The following CCSER1 variants were observed in gnomAD, a reference collection of about 807,000 sequenced individuals.
The protein encoded by CCSER1 is coiled-coil serine rich protein 1.
In CCSER1, 41 loss-of-function variants were observed where a neutral mutation model predicts 82.0. The observed-to-expected ratio is 0.50, with a 90% CI of 0.39 to 0.65. CCSER1 has a LOEUF of 0.65. Ranked by LOEUF, CCSER1 falls within the 30% of genes least tolerant of loss-of-function variation. CCSER1 has a pLI of 0.00. For synonymous variants in CCSER1, 414 were observed against 383.9 expected, an observed-to-expected ratio of 1.08 and a Z score of -0.92; for missense variants, 1,119 against 1,064.2, an observed-to-expected ratio of 1.05 and a Z score of -0.72.
In CCSER1 at chr4:91,313,995, C is replaced by A. The variant is rs142178383; in HGVS notation, c.2217+228001C>A. On this transcript the variant is annotated intron_variant, in intron 10 of 10. Coordinates refer to ENST00000509176, the MANE Select transcript of CCSER1 (RefSeq NM_001145065.2). ...CCTCCAGATCTCTATCTCTTTTTAC[C>A]ACGTTACTACTGAACAATTCCCTGA... Among the ~76,000 whole-genome samples the A allele has an allele frequency of 1.6e-3, 240 of 151,978 alleles. 1 individual carries two copies. Among genetic ancestry groups the A allele is most frequent in the African/African-American group, 5.5e-3 (230 of 41,494 alleles).
chr4:90,438,403 C>G (rs1013319758), intron 4 of CCSER1, among the ~76,000 whole-genome samples: 2 of 152,086 alleles, frequency 1.3e-5, no homozygotes, highest in Non-Finnish European at 2.9e-5. Flanking sequence ...TATAGTTTCA[C>G]TTGTGTTCTT....
chr4:90,534,166 G>T (rs185423333), intron 5 of CCSER1, among the ~76,000 whole-genome samples: 1 of 152,320 alleles, frequency 6.6e-6, no homozygotes. Context: ...GTCTCGCTCT[G>T]TTGCCCAGGC....
At chr4:90,437,082 A>T (rs183663300) in intron 4 of CCSER1, among the ~76,000 whole-genome samples, 2 of 152,070 alleles carry the variant, frequency 1.3e-5, no homozygotes, top group African/African-American at 4.8e-5. Flanking sequence ...CAGCCTCCCA[A>T]AGTGCTGGGA....
At chr4:91,336,443 G>T (rs545812229) in intron 10 of CCSER1, among the ~76,000 whole-genome samples, 30 of 152,074 alleles carry the variant, frequency 2.0e-4, no homozygotes, top group Admixed American at 7.2e-4. Context: ...CCTAGTATTT[G>T]CTACGCTATG....
chr4:90,476,101 A>G (rs1193424151), intron 5 of CCSER1, among the ~76,000 whole-genome samples: 2 of 152,026 alleles, frequency 1.3e-5, no homozygotes, highest in Non-Finnish European at 2.9e-5. Context: ...CAGATTTCAT[A>G]AACTTCAGGG....
At chr4:90,470,463 A>G (rs778040973) in intron 5 of CCSER1, among the ~76,000 whole-genome samples, 6 of 152,204 alleles carry the variant, frequency 3.9e-5, no homozygotes, top group African/African-American at 1.4e-4. Context: ...GACAGAAGCC[A>G]AATGCTAACT....
chr4:90,911,758 G>T (rs1413750028), intron 8 of CCSER1, among the ~76,000 whole-genome samples: 2 of 152,140 alleles, frequency 1.3e-5, no homozygotes, highest in Admixed American at 6.5e-5. Context: ...GACGGCACCT[G>T]GAAAATCGGG....
At chr4:90,932,297 A>G (rs1729921660) in intron 9 of CCSER1, among the ~76,000 whole-genome samples, 1 of 152,170 alleles carries the variant, frequency 6.6e-6, no homozygotes, top group South Asian at 2.1e-4. Context: ...CCATTATTTT[A>G]TGAGTTCTCT....
chr4:91,114,985 A>G (rs989794608), intron 10 of CCSER1, among the ~76,000 whole-genome samples: 3 of 152,258 alleles, frequency 2.0e-5, no homozygotes, highest in Middle Eastern at 3.4e-3. Context: ...TTTTTATTTT[A>G]TGGGAAATTA....
At chr4:91,452,176 C>A (rs1922230) in intron 10 of CCSER1, among the ~76,000 whole-genome samples, 1 of 151,836 alleles carries the variant, frequency 6.6e-6, no homozygotes, top group South Asian at 2.1e-4. Flanking sequence ...AATTGACACA[C>A]AGACATCCTC....
intron 6 of CCSER1, among the ~76,000 whole-genome samples, chr4:90,682,734 T>C (rs1734120155): frequency 6.6e-6 from 1 of 152,048 alleles, no homozygotes; most frequent in South Asian, 2.1e-4. Flanking sequence ...GGCTCTTTTG[T>C]CCTTGAACAT....
intron 4 of CCSER1, among the ~76,000 whole-genome samples, chr4:90,451,698 T>C (rs1761483223): frequency 6.6e-6 from 1 of 152,172 alleles, no homozygotes. Flanking sequence ...TGAGGTTTCA[T>C]TTCTTTTATG....
At chr4:90,614,643 C>G (rs548228558) in intron 5 of CCSER1, among the ~76,000 whole-genome samples, 2 of 152,094 alleles carry the variant, frequency 1.3e-5, no homozygotes, top group African/African-American at 4.8e-5. Flanking sequence ...CCCTAACTCT[C>G]TTTGATTTTA....
In CCSER1 at chr4:91,225,110, A is replaced by G. The variant is rs141102539; in HGVS notation, c.2217+139116A>G. 6.8e-4 allele frequency among the ~76,000 whole-genome samples: 101 copies of G among 147,712 alleles called. 3 individuals carry two copies. The East Asian group carries it at 0.018, about 27-fold the overall frequency. On this transcript the variant is annotated intron_variant, in intron 10 of 10. Coordinates refer to ENST00000509176, the MANE Select transcript of CCSER1 (RefSeq NM_001145065.2). ...ATCACAGTAAGGTAGAATTCTTGAA[A>G]TAAAATGTTACTGTGATAGAGTTTT...
At chr4:91,335,174 A>G (rs1747234996) in intron 10 of CCSER1, among the ~76,000 whole-genome samples, 1 of 152,062 alleles carries the variant, frequency 6.6e-6, no homozygotes, top group South Asian at 2.1e-4. Flanking sequence ...GTAAACCAGC[A>G]TCTCAAGTAA....
At chr4:91,111,796 T>C (rs1726114633) in intron 10 of CCSER1, among the ~76,000 whole-genome samples, 1 of 146,456 alleles carries the variant, frequency 6.8e-6, no homozygotes, top group South Asian at 2.1e-4. Flanking sequence ...CAAGAAATAC[T>C]GTATCAGGAG....
At chr4:91,555,578 T>TGGA (rs1762360955) in intron 10 of CCSER1, among the ~76,000 whole-genome samples, 1 of 150,998 alleles carries the variant, frequency 6.6e-6, no homozygotes, top group South Asian at 2.1e-4. Flanking sequence ...ATGTTATCCA[T>TGGA]TTTCAAAGAA....
intron 9 of CCSER1, among the ~76,000 whole-genome samples, chr4:90,964,827 C>T (rs1401964029): frequency 2.0e-5 from 3 of 151,322 alleles, no homozygotes; most frequent in African/African-American, 4.9e-5. Flanking sequence ...CTTTCGATAC[C>T]ACGGAGTGTT....
At chr4:91,012,569 G>A (rs1739083139) in intron 9 of CCSER1, among the ~76,000 whole-genome samples, 1 of 151,996 alleles carries the variant, frequency 6.6e-6, no homozygotes, top group South Asian at 2.1e-4. Context: ...ATAGGGTGTA[G>A]TAGGAGCTGG....
Sources: gnomAD v4.1 joint callset for allele counts (sites outside exome capture counted in the v4.1 genomes callset) on GRCh38, gnomAD v4.1.1 for gene constraint, MANE v1.5 for transcripts, NCBI Gene and HGNC (gene_info 2026-07-23, HGNC 2026-07-21) for gene names.